WWP2: variants seen among roughly 807,000 people sequenced by gnomAD.
WWP2 encodes the protein WW domain containing E3 ubiquitin protein ligase 2.
Under a neutral mutation model 121.0 loss-of-function variants are expected in WWP2, and 57 were observed. The observed-to-expected ratio is 0.47, with a 90% confidence interval of 0.38 to 0.59. The LOEUF is 0.59. Among genes scored for constraint, WWP2 ranks in the 20% least tolerant of loss-of-function variants. WWP2 has a pLI of 0.00. For synonymous variants in WWP2, 449 were observed against 441.3 expected (o/e 1.02, Z -0.22); for missense variants, 962 against 1,158.9 (o/e 0.83, Z 2.47).
intron 4 of WWP2, among the ~76,000 whole-genome samples, chr16:69,819,438 G>A (rs2056554576): frequency 6.6e-6 from 1 of 152,184 alleles, no homozygotes; most frequent in African/African-American, 2.4e-5. Flanking sequence ...TCTCCCTGCT[G>A]TTTCTCCAGC....
intron 6 of WWP2, among the ~76,000 whole-genome samples, chr16:69,854,975 C>T (rs1567382107): frequency 1.3e-5 from 2 of 152,162 alleles, no homozygotes; most frequent in East Asian, 3.9e-4. Flanking sequence ...CTTGCCTCAG[C>T]CTCCCAAATA....
intron 1 of WWP2, among the ~76,000 whole-genome samples, chr16:69,764,362 G>C (rs2038683176): frequency 1.3e-5 from 2 of 152,006 alleles, no homozygotes; most frequent in South Asian, 4.2e-4. Context: ...CACCTCGCCT[G>C]GCTAATTTTT....
At chr16:69,809,495 G>A (rs1372419884) in intron 4 of WWP2, among the ~76,000 whole-genome samples, 4 of 152,032 alleles carry the variant, frequency 2.6e-5, no homozygotes, top group African/African-American at 7.2e-5. Flanking sequence ...GGCCAGGTAC[G>A]GTGGCTCACG....
At chr16:69,770,618 G>A (rs1302366655) in intron 1 of WWP2, among the ~76,000 whole-genome samples, 4 of 152,088 alleles carry the variant, frequency 2.6e-5, no homozygotes, top group African/African-American at 4.8e-5. Context: ...TAAGAACCTC[G>A]ATTTATAGCC....
At position 69,930,177 on chromosome 16, in the gene WWP2, C is replaced by A; in HGVS notation, c.1364C>A (p.Thr455Asn). ...CCCCCAGGATGGGAGATGAAATACA[C>A]CAGCGAGGGGGTGCGATACTTTGTG... ...ALPPGWEMKY[T>N]SEGVRYFVDH... Residue 455 changes from threonine to asparagine, a missense_variant, in exon 13 of 24, where the codon ACC becomes AAC. Thr to Asn is a moderately conservative substitution (Grantham distance 65, BLOSUM62 0). Around this residue, in one of 3 missense-constraint regions of WWP2, gnomAD observed 606 missense variants for 772.6 expected, o/e 0.78. Coordinates refer to ENST00000359154, the MANE Select transcript of WWP2 (RefSeq NM_001270454.2). 6.2e-7 allele frequency: 1 copy of A among 1,614,008 alleles called. No individual in the cohort carries two copies. The highest frequency in any genetic ancestry group is 2.2e-5 in the East Asian group (1 of 44,864).
chr16:69,841,961 A>T, intron 5 of WWP2, 63 bp from the exon 6 acceptor site: 2 of 1,526,060 alleles, frequency 1.3e-6, no homozygotes, highest in Non-Finnish European at 1.8e-6. Context: ...TGGCCGTCAA[A>T]TCTCAAACAC....
chr16:69,906,912 A>G (rs2058303503), intron 8 of WWP2, among the ~76,000 whole-genome samples: 1 of 152,212 alleles, frequency 6.6e-6, no homozygotes, highest in African/African-American at 2.4e-5. Flanking sequence ...TGTTAAAAGG[A>G]TAAAAACCAC....
chr16:69,781,652 T>C (rs909580314), intron 1 of WWP2, among the ~76,000 whole-genome samples: 1 of 152,134 alleles, frequency 6.6e-6, no homozygotes, highest in Non-Finnish European at 1.5e-5. Flanking sequence ...TTACTCTGAG[T>C]TAGACGGTGT....
Position 69,886,269 on chromosome 16 carries a change from T to C in WWP2, c.704-1770T>C, listed in dbSNP as rs79358118. ...TACTCTTTTAAATTATTTGTAGAGATGAGTCCTCGCTAGGTTGCCCAGGTC... is the reference window on the plus strand; with the variant it reads ...TACTCTTTTAAATTATTTGTAGAGACGAGTCCTCGCTAGGTTGCCCAGGTC... On this transcript the variant is annotated intron_variant, in intron 7 of 23. Transcript: ENST00000359154. Among the ~76,000 whole-genome samples the C allele has an allele frequency of 8.0e-3, 1,214 of 152,260 alleles. 17 individuals are homozygous for C. The highest frequency in any genetic ancestry group is 0.027 in the African/African-American group (1,103 of 41,542).
At chr16:69,930,072 A>G (rs758160964) in intron 12 of WWP2, 58 bp from the exon 13 acceptor site, 7 of 1,608,376 alleles carry the variant, frequency 4.4e-6, no homozygotes, top group Admixed American at 1.7e-5. Context: ...CCAGCCTCCA[A>G]CCACCAAGGT....
chr16:69,823,533 G>A (rs1360760033), intron 4 of WWP2, among the ~76,000 whole-genome samples: 2 of 151,314 alleles, frequency 1.3e-5, no homozygotes, highest in African/African-American at 2.4e-5. Context: ...GCAGTGGTGC[G>A]GTCTTGTTCA....
Position 69,935,726 on chromosome 16 carries a change from C to A in WWP2, c.1843-127C>A. 7.2e-7 allele frequency: 1 copy of A among 1,392,562 alleles called. No homozygotes were observed. The highest frequency in any genetic ancestry group is 9.7e-7 in the Non-Finnish European group (1 of 1,028,156). The allele number at this position is 1,392,562 out of a possible 1,614,324, so 86.3% of individuals were successfully genotyped here. ...CCTCCCGCTGCGTCCGAGGCAGCTGCTGCTGTAGTTCTGTCAGGGAAGGAA... is the reference window on the plus strand; with the variant it reads ...CCTCCCGCTGCGTCCGAGGCAGCTGATGCTGTAGTTCTGTCAGGGAAGGAA... On this transcript the variant is annotated intron_variant, in intron 17 of 23. Coordinates refer to ENST00000359154, the MANE Select transcript of WWP2 (RefSeq NM_001270454.2). The surrounding 1 kb of genome is among the most constrained non-coding windows in gnomAD (Gnocchi z 5.2).
intron 2 of WWP2, among the ~76,000 whole-genome samples, chr16:69,789,103 G>C (rs1216468123): frequency 1.3e-5 from 2 of 152,056 alleles, no homozygotes; most frequent in African/African-American, 4.8e-5. Context: ...TGTCGCCCAG[G>C]CTGGACTGCA....
chr16:69,897,449 A>G (rs1191702354), intron 8 of WWP2, among the ~76,000 whole-genome samples: 46 of 152,056 alleles, frequency 3.0e-4, no homozygotes, highest in Admixed American at 3.0e-3. Context: ...CCCTTGATGT[A>G]TAAGATGTTA....
At chr16:69,850,452 CAG>C (rs2057186819) in intron 6 of WWP2, among the ~76,000 whole-genome samples, 1 of 150,458 alleles carries the variant, frequency 6.6e-6, no homozygotes, top group South Asian at 2.1e-4. Flanking sequence ...TAGTAGGAGA[CAG>C]ATGCATGGAT....
chr16:69,850,659 T>C (rs1351761075), intron 6 of WWP2, among the ~76,000 whole-genome samples: 1 of 152,010 alleles, frequency 6.6e-6, no homozygotes, highest in Non-Finnish European at 1.5e-5. Context: ...ACAGCATGAG[T>C]GAAGGCAAGG....
chr16:69,767,882 G>T (rs547179956), intron 1 of WWP2, among the ~76,000 whole-genome samples: 6 of 152,270 alleles, frequency 3.9e-5, no homozygotes, highest in South Asian at 2.1e-4. Context: ...CTGTCACCCA[G>T]GCTGAAGTAC....
chr16:69,934,543 T>C (rs1217808496), intron 17 of WWP2, among the ~76,000 whole-genome samples: 1 of 151,620 alleles, frequency 6.6e-6, no homozygotes, highest in Admixed American at 6.6e-5. Flanking sequence ...GTTGAGGGCC[T>C]TGGGATGACA....
intron 6 of WWP2, among the ~76,000 whole-genome samples, chr16:69,847,124 G>A (rs1054487041): frequency 5.9e-5 from 9 of 151,576 alleles, no homozygotes; most frequent in Admixed American, 2.0e-4. Context: ...TTGCTCTGTC[G>A]CCCAGGCTGG....
Sources: gnomAD v4.1 joint callset for allele counts (sites outside exome capture counted in the v4.1 genomes callset) on GRCh38, gnomAD v4.1.1 for gene constraint, gnomAD v4.1.1 regional missense constraint, Gnocchi (gnomAD v3.1) non-coding constraint, MANE v1.5 for transcripts, NCBI Gene and HGNC (gene_info 2026-07-23, HGNC 2026-07-21) for gene names.